Variants in AKAP10 observed in about 807,000 individuals in gnomAD.
AKAP10 encodes the protein A-kinase anchor protein 10, mitochondrial.
A neutral mutation model predicts 80.8 loss-of-function variants in AKAP10; 24 were observed. The observed-to-expected ratio is 0.30, with a 90% CI of 0.22 to 0.42. AKAP10 has a LOEUF of 0.42. Among genes scored for constraint, AKAP10 ranks in the 10% least tolerant of loss-of-function variants. The pLI, the probability that AKAP10 is intolerant of heterozygous loss-of-function variation, is 1.00. For missense variants in AKAP10, 661 were observed against 794.9 expected, an observed-to-expected ratio of 0.83 and a Z score of 2.03; for synonymous variants, 291 against 277.7, an observed-to-expected ratio of 1.05 and a Z score of -0.48.
intron 12 of AKAP10, among the ~76,000 whole-genome samples, chr17:19,919,643 C>T (rs540677322): frequency 1.3e-5 from 2 of 150,586 alleles, no homozygotes; most frequent in East Asian, 3.9e-4. Flanking sequence ...GCGGTCAGAC[C>T]ACTGCACTCC....
At chr17:19,933,547 T>C (rs1340349133) in intron 9 of AKAP10, among the ~76,000 whole-genome samples, 1 of 152,238 alleles carries the variant, frequency 6.6e-6, no homozygotes, top group African/African-American at 2.4e-5. Flanking sequence ...TTTTTCTCTC[T>C]GCATTTTAAT....
intron 11 of AKAP10, among the ~76,000 whole-genome samples, chr17:19,923,358 G>A (rs550313108): frequency 2.0e-5 from 3 of 152,234 alleles, no homozygotes; most frequent in Non-Finnish European, 2.9e-5. Flanking sequence ...GATTACAGGC[G>A]TGAGCCACCG....
intron 12 of AKAP10, among the ~76,000 whole-genome samples, chr17:19,912,260 C>T (rs2042699037): frequency 6.6e-6 from 1 of 152,078 alleles, no homozygotes; most frequent in Non-Finnish European, 1.5e-5. Context: ...ACTAAAAATA[C>T]AAAAATAGGC....
At chr17:19,947,380 T>G in intron 5 of AKAP10, 27 bp downstream of exon 5, 1 of 1,518,126 alleles carries the variant, frequency 6.6e-7, no homozygotes, top group Admixed American at 1.9e-5. Context: ...TCATTTTTTT[T>G]TTGCCATAGT....
At chr17:19,973,601 G>A (rs1347729955) in intron 1 of AKAP10, among the ~76,000 whole-genome samples, 2 of 152,164 alleles carry the variant, frequency 1.3e-5, no homozygotes, top group African/African-American at 2.4e-5. Context: ...TAAGTATCAA[G>A]AATGGAATGG....
intron 8 of AKAP10, 123 bp from the exon 9 acceptor site, chr17:19,936,553 G>T: frequency 1.1e-6 from 1 of 937,320 alleles, no homozygotes; most frequent in Non-Finnish European, 1.5e-6. Context: ...TAGAACTATA[G>T]AGCTATGTGA....
intron 12 of AKAP10, among the ~76,000 whole-genome samples, chr17:19,918,224 C>CAAAAAAAA (rs559332326): frequency 2.5e-4 from 21 of 85,534 alleles, no homozygotes; most frequent in South Asian, 3.9e-4. Flanking sequence ...CCGTCTCAAA[C>CAAAAAAAA]AAAAAAAAAA....
At chr17:19,955,018 G>A (rs2043257943) in intron 4 of AKAP10, among the ~76,000 whole-genome samples, 1 of 151,982 alleles carries the variant, frequency 6.6e-6, no homozygotes, top group Non-Finnish European at 1.5e-5. Flanking sequence ...TCAAGAGTTT[G>A]AGACCAGCCT....
chr17:19,943,161 T>A (rs1461200417), intron 5 of AKAP10, among the ~76,000 whole-genome samples: 1 of 152,108 alleles, frequency 6.6e-6, no homozygotes, highest in African/African-American at 2.4e-5. Context: ...AGTGCTGGGA[T>A]TACAGGCCTG....
At chr17:19,950,735 T>C (rs2043192592) in intron 4 of AKAP10, among the ~76,000 whole-genome samples, 1 of 152,054 alleles carries the variant, frequency 6.6e-6, no homozygotes, top group South Asian at 2.1e-4. Context: ...CGCCACCCCG[T>C]CCGGGAAGTG....
intron 1 of AKAP10, among the ~76,000 whole-genome samples, chr17:19,971,923 T>C (rs1415739992): frequency 6.6e-6 from 1 of 152,170 alleles, no homozygotes; most frequent in Non-Finnish European, 1.5e-5. Context: ...CTGGCCAACA[T>C]GGCAAAACCC....
chr17:19,973,523 G>A (rs1004481898), intron 1 of AKAP10, among the ~76,000 whole-genome samples: 4 of 152,164 alleles, frequency 2.6e-5, no homozygotes, highest in Admixed American at 2.6e-4. Context: ...TCCCAACTAG[G>A]AACTCTATAT....
At chr17:19,925,730 C>T (rs1301441409) in intron 10 of AKAP10, among the ~76,000 whole-genome samples, 5 of 151,312 alleles carry the variant, frequency 3.3e-5, no homozygotes, top group East Asian at 3.9e-4. Context: ...GTAGGGAAAG[C>T]GGCTCTCATG....
chr17:19,931,890 C>T lies in AKAP10; in HGVS notation c.1556G>A (p.Gly519Asp), dbSNP rs750744148. The change falls in exon 10 of 15, where the codon GGC (glycine) becomes GAC (aspartate). Residue 519 changes from glycine (G) to aspartate (D), a missense_variant. Transcript: ENST00000225737. ...AGGAGCAGTCAGCGACACGTTCCCGCCCAGAAATTCATCTCCTCGAACCGA... is the reference window on the plus strand; with the variant it reads ...AGGAGCAGTCAGCGACACGTTCCCGTCCAGAAATTCATCTCCTCGAACCGA... ...IHSVRGDEFLGGNVSLTAPGS... is the reference protein window; with the variant it reads ...IHSVRGDEFLDGNVSLTAPGS... 5 of 1,613,992 alleles carry T rather than the reference C, an allele frequency of 3.1e-6. No individual in the cohort carries two copies. In the East Asian group the frequency reaches 1.1e-4, roughly 36 times the overall value.
At chr17:19,950,112 G>C (rs1482463896) in intron 4 of AKAP10, among the ~76,000 whole-genome samples, 1 of 152,128 alleles carries the variant, frequency 6.6e-6, no homozygotes, top group Non-Finnish European at 1.5e-5. Flanking sequence ...AGACCAGCCT[G>C]GCCAATATGG....
intron 11 of AKAP10, among the ~76,000 whole-genome samples, chr17:19,923,170 C>A (rs1035620480): frequency 2.6e-5 from 4 of 151,990 alleles, no homozygotes; most frequent in African/African-American, 7.2e-5. Flanking sequence ...CTCCGCCTCC[C>A]GGGTTCAAGC....
chr17:19,940,462 T>C (rs1178673824), intron 7 of AKAP10, among the ~76,000 whole-genome samples: 1 of 152,180 alleles, frequency 6.6e-6, no homozygotes, highest in East Asian at 1.9e-4. Flanking sequence ...ATATACTCAT[T>C]GTCTGTTGCA....
At chr17:19,958,839 ATTCT>A (rs1226183592) in intron 3 of AKAP10, among the ~76,000 whole-genome samples, 1 of 136,936 alleles carries the variant, frequency 7.3e-6, no homozygotes, top group East Asian at 2.2e-4. Flanking sequence ...GACCATGTAA[ATTCT>A]TTTTTTTTTT....
chr17:19,957,957 T>C, intron 4 of AKAP10, 57 bp downstream of exon 4: 1 of 1,484,440 alleles, frequency 6.7e-7, no homozygotes, highest in Non-Finnish European at 9.1e-7. Context: ...TTCTGCTTAG[T>C]AAATTAAAAA....
Sources: gnomAD v4.1 joint callset for allele counts (sites outside exome capture counted in the v4.1 genomes callset) on GRCh38, gnomAD v4.1.1 for gene constraint, MANE v1.5 for transcripts, NCBI Gene and HGNC (gene_info 2026-07-23, HGNC 2026-07-21) for gene names.